Variants in OSBPL1A observed in about 807,000 individuals in gnomAD.
OSBPL1A encodes the protein oxysterol binding protein like 1A, also known as oxysterol-binding protein-related protein 1.
Under a neutral mutation model 137.1 loss-of-function variants are expected in OSBPL1A, and 80 were observed. The ratio of observed to expected loss-of-function variants is 0.58; its 90% CI spans 0.49 to 0.70. The LOEUF is 0.70. Ranked by LOEUF, OSBPL1A falls within the 30% of genes least tolerant of loss-of-function variation. The probability of loss-of-function intolerance (pLI) is 0.00; values close to 1 mark genes in which losing one functional copy is unlikely to be tolerated. For synonymous variants in OSBPL1A, 365 were observed against 389.7 expected, an observed-to-expected ratio of 0.94 and a Z score of 0.75; for missense variants, 970 against 1,129.4, an observed-to-expected ratio of 0.86 and a Z score of 2.02.
At chr18:24,331,498 G>A (rs1018073286) in intron 7 of OSBPL1A, among the ~76,000 whole-genome samples, 3 of 149,348 alleles carry the variant, frequency 2.0e-5, no homozygotes, top group Middle Eastern at 3.2e-3. Context: ...CCGGGTTCAC[G>A]CCATTCTCCT....
rs147932576 is a variant in OSBPL1A, at chr18:24,225,187, C to T, written c.1456G>A (p.Glu486Lys). ...GCTTCCAATCTACTCAGGGACCTTT[C>T]GGACTCGGAATCTGTGGCAGAGCAG... ...FYDALSDSESERSLSRLEAVT... is the reference protein window; with the variant it reads ...FYDALSDSESKRSLSRLEAVT... Residue 486 changes from glutamate to lysine, a missense_variant, in exon 17 of 28, where the codon GAA becomes AAA. By Grantham distance (56) the Glu-to-Lys change is moderately conservative. Coordinates refer to ENST00000319481, the MANE Select transcript of OSBPL1A (RefSeq NM_080597.4). 2.9e-5 allele frequency: 47 copies of T among 1,613,930 alleles called. No individual in the cohort carries two copies. Among genetic ancestry groups the T allele is most frequent in the East Asian group, 4.5e-5 (2 of 44,896 alleles).
At chr18:24,277,499 TAA>T in intron 15 of OSBPL1A, among the ~76,000 whole-genome samples, 1 of 152,326 alleles carries the variant, frequency 6.6e-6, no homozygotes, top group South Asian at 2.1e-4. Flanking sequence ...ATTTACTCTT[TAA>T]AACAATCCCT....
intron 16 of OSBPL1A, among the ~76,000 whole-genome samples, chr18:24,234,513 T>C (rs1438707794): frequency 1.3e-5 from 2 of 150,284 alleles, no homozygotes; most frequent in Non-Finnish European, 3.0e-5. Flanking sequence ...AATAATTTTC[T>C]CAAGCGATCC....
In OSBPL1A at chr18:24,271,971, G is replaced by T. The variant is rs965360624; in HGVS notation, c.1281+8871C>A. On this transcript the variant is annotated intron_variant, in intron 15 of 27. Coordinates refer to ENST00000319481, the MANE Select transcript of OSBPL1A (RefSeq NM_080597.4). The surrounding 1 kb of genome is among the most constrained non-coding windows in gnomAD (Gnocchi z 4.0). ...CGCAGACCCGCCCTCCGGGGCTCGC[G>T]GGGAGAGCGCGGGCGGGCGGCGGCA... 1.0e-5 allele frequency: 10 copies of T among 982,030 alleles called. No individual in the cohort carries two copies. In the African/African-American group the frequency reaches 1.4e-4, roughly 14 times the overall value. 60.8% of individuals were successfully genotyped at this position (982,030 alleles called of 1,614,324 possible). A position where few individuals can be genotyped will look rare whatever the true frequency, so the allele number is the denominator to read the frequency against.
chr18:24,236,367 G>T (rs184589669), intron 16 of OSBPL1A, among the ~76,000 whole-genome samples: 224 of 152,256 alleles, frequency 1.5e-3, no homozygotes, highest in African/African-American at 5.2e-3. Flanking sequence ...GTAATAGAGT[G>T]AAGGAGGAAA....
chr18:24,306,339 C>T (rs1429587928), intron 13 of OSBPL1A, among the ~76,000 whole-genome samples: 2 of 151,990 alleles, frequency 1.3e-5, no homozygotes, highest in Admixed American at 6.6e-5. Context: ...CAGGGCAGCT[C>T]GAAAATGCAT....
intron 17 of OSBPL1A, among the ~76,000 whole-genome samples, chr18:24,206,573 T>A (rs1370258886): frequency 6.6e-6 from 1 of 152,186 alleles, no homozygotes; most frequent in East Asian, 1.9e-4. Flanking sequence ...GCCTTAAACA[T>A]TCCATTGACA....
At chr18:24,326,101 C>G (rs2090973120) in intron 7 of OSBPL1A, among the ~76,000 whole-genome samples, 1 of 151,834 alleles carries the variant, frequency 6.6e-6, no homozygotes, top group Non-Finnish European at 1.5e-5. Flanking sequence ...GACATTTTCA[C>G]TCTAGAAAAA....
intron 17 of OSBPL1A, among the ~76,000 whole-genome samples, chr18:24,205,930 A>C (rs886667632): frequency 1.1e-4 from 16 of 152,188 alleles, no homozygotes; most frequent in Non-Finnish European, 2.1e-4. Context: ...TCGATCTGTC[A>C]CCCAGGCTGG....
intron 7 of OSBPL1A, among the ~76,000 whole-genome samples, chr18:24,325,694 G>A (rs1248849675): frequency 6.6e-6 from 1 of 152,188 alleles, no homozygotes; most frequent in Non-Finnish European, 1.5e-5. Context: ...AGAGCACGGG[G>A]ACTGTTGGGC....
At chr18:24,324,838 A>G (rs562738381) in intron 7 of OSBPL1A, among the ~76,000 whole-genome samples, 2 of 150,356 alleles carry the variant, frequency 1.3e-5, no homozygotes, top group African/African-American at 4.9e-5. Flanking sequence ...CTGTTATCCC[A>G]GCACTTTCAG....
intron 18 of OSBPL1A, among the ~76,000 whole-genome samples, chr18:24,182,499 C>T (rs542831065): frequency 1.1e-3 from 163 of 152,250 alleles, no homozygotes; most frequent in Non-Finnish European, 1.7e-3. Context: ...AGGCTGAATG[C>T]CACCTGACTT....
At chr18:24,351,067 G>A (rs1447939343) in intron 4 of OSBPL1A, among the ~76,000 whole-genome samples, 2 of 152,082 alleles carry the variant, frequency 1.3e-5, no homozygotes, top group Non-Finnish European at 2.9e-5. Context: ...AAAAAATCAG[G>A]CTGGGCACGG....
At chr18:24,342,142 T>C (rs963688953) in intron 4 of OSBPL1A, among the ~76,000 whole-genome samples, 2 of 152,210 alleles carry the variant, frequency 1.3e-5, no homozygotes, top group African/African-American at 4.8e-5. Context: ...GGATACACCA[T>C]TATTGAAGGA....
chr18:24,272,954 G>T (rs2089757328), intron 15 of OSBPL1A, among the ~76,000 whole-genome samples: 1 of 152,072 alleles, frequency 6.6e-6, no homozygotes, highest in Non-Finnish European at 1.5e-5. Flanking sequence ...CGCCCAGGCT[G>T]GAGTGTAGTG....
rs190030956 is a variant in OSBPL1A, at chr18:24,228,709, T to C, written c.1445-3511A>G. On this transcript the variant is annotated intron_variant, in intron 16 of 27. Coordinates refer to ENST00000319481, the MANE Select transcript of OSBPL1A (RefSeq NM_080597.4). ...TGTATCAGGAAAGAACTGTGGCTGA[T>C]GATTGAGCTGCGTTCGCTGACAAGG... is the stretch of plus-strand genomic sequence containing the variant. 5.4e-3 allele frequency among the ~76,000 whole-genome samples: 817 copies of C among 152,196 alleles called. 4 individuals are homozygous for C. The highest frequency in any genetic ancestry group is 0.02 in the Middle Eastern group (6 of 294).
At chr18:24,220,873 C>T (rs2087867518) in intron 17 of OSBPL1A, among the ~76,000 whole-genome samples, 1 of 151,864 alleles carries the variant, frequency 6.6e-6, no homozygotes, top group African/African-American at 2.4e-5. Context: ...TGTATAATGC[C>T]ATGATCTTGG....
intron 17 of OSBPL1A, among the ~76,000 whole-genome samples, chr18:24,199,888 A>G (rs962381272): frequency 2.7e-4 from 41 of 152,200 alleles, no homozygotes; most frequent in South Asian, 4.1e-4. Context: ...GGAACAAGAC[A>G]GGCTCCACAA....
intron 4 of OSBPL1A, among the ~76,000 whole-genome samples, chr18:24,354,748 CAAAA>C (rs59694707): frequency 0.012 from 897 of 77,076 alleles, 5 homozygotes; most frequent in African/African-American, 0.038. Flanking sequence ...CTCAATATAG[CAAAA>C]AAAAAAAAAA....
Sources: gnomAD v4.1 joint callset for allele counts (sites outside exome capture counted in the v4.1 genomes callset) on GRCh38, gnomAD v4.1.1 for gene constraint, Gnocchi (gnomAD v3.1) non-coding constraint, MANE v1.5 for transcripts, NCBI Gene and HGNC (gene_info 2026-07-23, HGNC 2026-07-21) for gene names.